SDK2: variants seen among roughly 807,000 people sequenced by gnomAD.
SDK2 encodes protein sidekick-2.
In SDK2, 105 loss-of-function variants were observed where a neutral mutation model predicts 253.9. The ratio of observed to expected loss-of-function variants is 0.41; its 90% CI spans 0.35 to 0.49. SDK2 has a LOEUF of 0.49. SDK2 is among the 20% of genes least tolerant of loss of function. The pLI is 0.06. For missense variants in SDK2, 2,608 were observed against 3,003.0 expected (o/e 0.87, Z 3.07); for synonymous variants, 1,249 against 1,234.9 (o/e 1.01, Z -0.24).
chr17:73,602,523 CTT>C (rs1165821559), intron 1 of SDK2, among the ~76,000 whole-genome samples: 16 of 139,976 alleles, frequency 1.1e-4, no homozygotes, highest in Non-Finnish European at 1.4e-4. Flanking sequence ...AGTCTAAGTT[CTT>C]TTTTTTTTTT....
chr17:73,437,644 G>A (rs916254603), intron 8 of SDK2, 95 bp downstream of exon 8: 10 of 1,106,888 alleles, frequency 9.0e-6, no homozygotes, highest in Admixed American at 3.4e-5. Flanking sequence ...ACATGGTCTC[G>A]AGAAGAAGCT....
At chr17:73,477,949 C>T (rs59959072) in intron 2 of SDK2, among the ~76,000 whole-genome samples, 17,609 of 152,168 alleles carry the variant, frequency 0.12, 1,505 homozygotes, top group African/African-American at 0.23. Context: ...TTCACCTACC[C>T]CTAGGTCCTT....
intron 1 of SDK2, among the ~76,000 whole-genome samples, chr17:73,569,988 C>G (rs2045361580): frequency 6.6e-6 from 1 of 152,150 alleles, no homozygotes; most frequent in South Asian, 2.1e-4. Flanking sequence ...CAGCCATGGA[C>G]ACGGGACACT....
Position 73,338,710 on chromosome 17 carries a change from A to G in SDK2, c.6396T>C (p.Ser2132=). The change falls in exon 45 of 45, where the codon AGT becomes AGC. Residue 2132 remains serine (S), a synonymous_variant. Coordinates refer to ENST00000392650, the MANE Select transcript of SDK2 (RefSeq NM_001144952.2). The surrounding 1 kb of genome is among the most constrained non-coding windows in gnomAD (Gnocchi z 5.0). ...QQGSLFRPKA[S]RTPTPQNPPN... ...GGGGGTTCTGGGGCGTTGGAGTCCG[A>G]CTGGCCTTGGGCCGAAAGAGGCTGC... 1 of 1,610,952 alleles carries G rather than the reference A, an allele frequency of 6.2e-7. No homozygotes were observed. The highest frequency in any genetic ancestry group is 8.5e-7 in the Non-Finnish European group (1 of 1,178,262).
intron 39 of SDK2, 54 bp from the exon 40 acceptor site, chr17:73,358,258 G>A (rs1297472944): frequency 2.6e-6 from 4 of 1,546,440 alleles, no homozygotes; most frequent in Non-Finnish European, 3.5e-6. Flanking sequence ...CAGCCACCCA[G>A]CCCGTCACCC....
At chr17:73,360,302 T>TAGAAAGTGACTGGCCAGAAAG (rs2062629752) in intron 39 of SDK2, among the ~76,000 whole-genome samples, 1 of 152,130 alleles carries the variant, frequency 6.6e-6, no homozygotes, top group African/African-American at 2.4e-5. Flanking sequence ...CTGTGGGGAA[T>TAGAAAGTGACTGGCCAGAAAG]AGAAAGTGAC....
chr17:73,590,070 C>T (rs2045661317), intron 1 of SDK2, among the ~76,000 whole-genome samples: 1 of 152,228 alleles, frequency 6.6e-6, no homozygotes, highest in African/African-American at 2.4e-5. Flanking sequence ...CTCTTACATG[C>T]TGCCTCTTAA....
chr17:73,546,677 C>A lies in SDK2; in HGVS notation c.65-39080G>T, dbSNP rs374333397. Among the ~76,000 whole-genome samples the A allele has an allele frequency of 3.9e-5, 6 of 152,352 alleles. No individual in the cohort carries two copies. In the South Asian group the frequency reaches 1.0e-3, roughly 26 times the overall value. ...CTGGCATGGTGGTGGGGAGACCTCGCTTCCTGTCTCTGGGTCTTGGGGCCC... is the reference window on the plus strand; with the variant it reads ...CTGGCATGGTGGTGGGGAGACCTCGATTCCTGTCTCTGGGTCTTGGGGCCC... On this transcript the variant is annotated intron_variant, in intron 1 of 44. Coordinates refer to ENST00000392650, the MANE Select transcript of SDK2 (RefSeq NM_001144952.2).
chr17:73,610,743 G>T (rs961945710), intron 1 of SDK2, among the ~76,000 whole-genome samples: 3 of 152,164 alleles, frequency 2.0e-5, no homozygotes, highest in Non-Finnish European at 4.4e-5. Flanking sequence ...GATGGAGAGG[G>T]TGTGTGAGCA....
intron 5 of SDK2, among the ~76,000 whole-genome samples, chr17:73,442,623 G>T (rs900703631): frequency 6.6e-6 from 1 of 152,118 alleles, no homozygotes; most frequent in African/African-American, 2.4e-5. Flanking sequence ...TTATGGGTGT[G>T]AGCCACCACG....
At chr17:73,555,766 G>A (rs541833693) in intron 1 of SDK2, among the ~76,000 whole-genome samples, 110 of 152,294 alleles carry the variant, frequency 7.2e-4, no homozygotes, top group African/African-American at 2.5e-3. Context: ...AAAGCTGCCG[G>A]AGCCACTTAA....
intron 1 of SDK2, among the ~76,000 whole-genome samples, chr17:73,564,824 G>GA (rs34949983): frequency 0.021 from 2,847 of 137,102 alleles, 40 homozygotes; most frequent in Non-Finnish European, 0.025. Flanking sequence ...GACTCTGTCT[G>GA]AAAAAAAAAC....
At chr17:73,470,992 G>T (rs183790434) in intron 3 of SDK2, among the ~76,000 whole-genome samples, 6 of 152,158 alleles carry the variant, frequency 3.9e-5, no homozygotes, top group Admixed American at 6.5e-5. Context: ...GAAGAGTGTC[G>T]GTTGGTACTC....
intron 4 of SDK2, among the ~76,000 whole-genome samples, chr17:73,451,794 G>GCTGTA (rs758633444): frequency 1.7e-4 from 26 of 152,154 alleles, no homozygotes; most frequent in Non-Finnish European, 2.8e-4. Flanking sequence ...CTGGGATGAT[G>GCTGTA]CTGTACTGTA....
intron 29 of SDK2, among the ~76,000 whole-genome samples, chr17:73,388,835 TC>T (rs1420186465): frequency 7.3e-5 from 7 of 95,704 alleles, no homozygotes; most frequent in Non-Finnish European, 1.1e-4. Flanking sequence ...CTTCCTTCCT[TC>T]CCCCCTCCTT....
chr17:73,606,946 T>C (rs8082479), intron 1 of SDK2, among the ~76,000 whole-genome samples: 49 of 152,100 alleles, frequency 3.2e-4, no homozygotes, highest in African/African-American at 1.1e-3. Flanking sequence ...GCTTCCAAGA[T>C]GGAAAAGCAT....
chr17:73,507,341 C>G (rs1406370447), intron 2 of SDK2, 97 bp downstream of exon 2: 5 of 1,314,046 alleles, frequency 3.8e-6, no homozygotes, highest in Non-Finnish European at 5.2e-6. Context: ...AGCCCTGAGC[C>G]CCACACTGTC....
chr17:73,633,798 G>A (rs2046297743), intron 1 of SDK2, among the ~76,000 whole-genome samples: 1 of 152,164 alleles, frequency 6.6e-6, no homozygotes, highest in Non-Finnish European at 1.5e-5. Context: ...TGGAACAACT[G>A]GGAGGAGGAG....
Position 73,380,954 on chromosome 17 carries a change from TGGGGTGGGGGTGCC to T in SDK2, c.4706-18_4706-5del. ...AGGTTCCGCATGGAGTACATGGCTA[TGGGGTGGGGGTGCC>T]GGGGCGGGGGCGCAGAGGGAGACAG... On this transcript the variant is annotated splice_region_variant and splice_polypyrimidine_tract_variant and intron_variant, in intron 33 of 44. Coordinates refer to ENST00000392650, the MANE Select transcript of SDK2 (RefSeq NM_001144952.2). 4 of 680,150 alleles carry T rather than the reference TGGGGTGGGGGTGCC, an allele frequency of 5.9e-6. No homozygotes were observed. The highest frequency in any genetic ancestry group is 9.7e-6 in the Non-Finnish European group (4 of 414,336). 42.1% of individuals were successfully genotyped at this position (680,150 alleles called of 1,614,324 possible).
Sources: gnomAD v4.1 joint callset for allele counts (sites outside exome capture counted in the v4.1 genomes callset) on GRCh38, gnomAD v4.1.1 for gene constraint, Gnocchi (gnomAD v3.1) non-coding constraint, MANE v1.5 for transcripts, NCBI Gene and HGNC (gene_info 2026-07-23, HGNC 2026-07-21) for gene names.